The following TMEFF1 variants were observed in gnomAD, a reference collection of about 807,000 sequenced individuals.
TMEFF1 encodes transmembrane protein with EGF like and two follistatin like domains 1, also known as tomoregulin-1.
TMEFF1 carries 20 observed loss-of-function variants against 47.5 expected under a neutral mutation model. The observed-to-expected ratio is 0.42, with a 90% CI of 0.30 to 0.61. TMEFF1 has a LOEUF of 0.61. Ranked by LOEUF, TMEFF1 falls within the 20% of genes least tolerant of loss-of-function variation. The pLI is 0.19. For missense variants in TMEFF1, 411 were observed against 471.1 expected (o/e 0.87, Z 1.18); for synonymous variants, 162 against 166.3 (o/e 0.97, Z 0.20).
Position 100,498,784 on chromosome 9 carries a change from T to A in TMEFF1, c.216T>A (p.Ser72=). 1 of 1,613,022 alleles carries A rather than the reference T, an allele frequency of 6.2e-7. No homozygotes were observed. The highest frequency in any genetic ancestry group is 8.5e-7 in the Non-Finnish European group (1 of 1,179,730). ...INCSELNVRE[S]DVRVCDESSC... ...TTGCAGAATTAAATGTGAGGGAGTC[T>A]GACGTAAGAGTTTGTGATGAGTCAT... Residue 72 remains serine, a synonymous_variant, in exon 2 of 10, where the codon TCT becomes TCA. Transcript: ENST00000374879.
chr9:100,546,577 T>A (rs1471847518), intron 5 of TMEFF1, among the ~76,000 whole-genome samples: 2 of 152,194 alleles, frequency 1.3e-5, no homozygotes, highest in African/African-American at 4.8e-5. Flanking sequence ...GGCAAATGCC[T>A]TCAAAGTGAA....
intron 5 of TMEFF1, among the ~76,000 whole-genome samples, chr9:100,531,205 C>T (rs1465074663): frequency 2.0e-5 from 3 of 152,270 alleles, no homozygotes; most frequent in East Asian, 3.9e-4. Flanking sequence ...CTCACCACTC[C>T]TATTCAACAT....
intron 1 of TMEFF1, among the ~76,000 whole-genome samples, chr9:100,492,574 G>C (rs1837574205): frequency 6.6e-6 from 1 of 152,178 alleles, no homozygotes; most frequent in Non-Finnish European, 1.5e-5. Flanking sequence ...GGTTAATCTG[G>C]AGAGTTGATT....
At chr9:100,481,539 C>T (rs186707602) in intron 1 of TMEFF1, among the ~76,000 whole-genome samples, 13 of 152,262 alleles carry the variant, frequency 8.5e-5, no homozygotes, top group African/African-American at 3.1e-4. Context: ...GATTATGCCA[C>T]CACATTAAGG....
chr9:100,518,450 T>C, intron 5 of TMEFF1: 2 of 985,422 alleles, frequency 2.0e-6, no homozygotes, highest in Non-Finnish European at 2.4e-6. Context: ...GAAGTGGACA[T>C]AGACCATGGA....
At chr9:100,501,769 C>T (rs578023903) in intron 2 of TMEFF1, among the ~76,000 whole-genome samples, 51 of 152,146 alleles carry the variant, frequency 3.4e-4, no homozygotes, top group African/African-American at 1.2e-3. Context: ...CTCAGCCTCC[C>T]TAGTAACTGG....
At chr9:100,492,872 T>C (rs541887154) in intron 1 of TMEFF1, among the ~76,000 whole-genome samples, 3 of 151,928 alleles carry the variant, frequency 2.0e-5, no homozygotes, top group Non-Finnish European at 2.9e-5. Flanking sequence ...CTATTAAAGG[T>C]GGGGGATTTA....
chr9:100,502,387 T>A (rs959098021), intron 2 of TMEFF1, among the ~76,000 whole-genome samples: 3 of 152,088 alleles, frequency 2.0e-5, no homozygotes, highest in African/African-American at 2.4e-5. Flanking sequence ...TGAGACGGGG[T>A]CTCACTCTGT....
At position 100,473,455 on chromosome 9, in the gene TMEFF1, G is replaced by A. The variant is rs1451579713; in HGVS notation, c.-90G>A. ...GGCTCAGCGGCGCGGCTGCTAGGAG[G>A]CACCGAGGCAGCGGCGGGGCTCTGG... On this transcript the variant is annotated 5_prime_UTR_variant, in exon 1 of 10. Transcript: ENST00000374879. This position sits in a 1 kb window ranked among gnomAD's most constrained non-coding sequence, Gnocchi z 5.4. 9.5e-6 allele frequency: 10 copies of A among 1,047,190 alleles called. No homozygotes were observed. In the East Asian group the frequency reaches 3.1e-4, roughly 32 times the overall value. 64.9% of individuals were successfully genotyped at this position (1,047,190 alleles called of 1,614,324 possible). A position where few individuals can be genotyped will look rare whatever the true frequency, so the allele number is the denominator to read the frequency against.
chr9:100,496,069 T>C, intron 1 of TMEFF1, among the ~76,000 whole-genome samples: 1 of 152,244 alleles, frequency 6.6e-6, no homozygotes, highest in East Asian at 1.9e-4. Flanking sequence ...ATGTCTTGTG[T>C]GAGCATCAAA....
chr9:100,488,517 A>G (rs958795668), intron 1 of TMEFF1, among the ~76,000 whole-genome samples: 2 of 152,236 alleles, frequency 1.3e-5, no homozygotes, highest in Non-Finnish European at 2.9e-5. Context: ...ATGTACTTCC[A>G]CAGTTGGTTT....
intron 6 of TMEFF1, among the ~76,000 whole-genome samples, 171 bp from the exon 7 acceptor site, chr9:100,549,924 A>G (rs1838801151): frequency 6.6e-6 from 1 of 152,196 alleles, no homozygotes; most frequent in Non-Finnish European, 1.5e-5. Context: ...TAGGATGCCT[A>G]GAGGCCTAAG....
chr9:100,569,525 G>T (rs935390333), intron 8 of TMEFF1, among the ~76,000 whole-genome samples: 6 of 151,702 alleles, frequency 4.0e-5, no homozygotes, highest in Non-Finnish European at 8.8e-5. Context: ...AAGTACAAAA[G>T]ATTTTAATTT....
intron 5 of TMEFF1, among the ~76,000 whole-genome samples, chr9:100,528,636 G>C (rs1259269214): frequency 6.6e-5 from 8 of 122,010 alleles, no homozygotes; most frequent in African/African-American, 2.4e-4. Flanking sequence ...GAAAGTGATG[G>C]GGAGAATGGA....
intron 5 of TMEFF1, among the ~76,000 whole-genome samples, chr9:100,535,323 G>A (rs1452103315): frequency 6.6e-6 from 1 of 152,086 alleles, no homozygotes; most frequent in African/African-American, 2.4e-5. Flanking sequence ...TGAACGCTTT[G>A]TTTTATCCCT....
chr9:100,488,092 G>A (rs983128935), intron 1 of TMEFF1, among the ~76,000 whole-genome samples: 4 of 152,154 alleles, frequency 2.6e-5, no homozygotes, highest in African/African-American at 9.6e-5. Context: ...TTGTTCTTGT[G>A]TTTAGATTAA....
chr9:100,506,540 C>T (rs964861270), intron 2 of TMEFF1, among the ~76,000 whole-genome samples: 1 of 151,840 alleles, frequency 6.6e-6, no homozygotes, highest in Admixed American at 6.6e-5. Context: ...CCGAGGCGGG[C>T]GGATCACAGG....
chr9:100,572,633 G>A lies in TMEFF1; in HGVS notation c.1015G>A (p.Val339Ile), dbSNP rs570775539. 2 of 1,613,326 alleles carry A rather than the reference G, an allele frequency of 1.2e-6. No individual in the cohort carries two copies. Among genetic ancestry groups the A allele is most frequent in the South Asian group, 1.1e-5 (1 of 90,990 alleles). ...HVLIAAIIGAVQIAIIVAIVM... is the reference protein window; with the variant it reads ...HVLIAAIIGAIQIAIIVAIVM... ...TCTTATTGCAGCAATTATTGGAGCT[G>A]TACAGATTGCCATCATAGTAGCAAT... The change falls in exon 9 of 10, where the codon GTA becomes ATA. Residue 339 changes from valine (V) to isoleucine (I), a missense_variant. Coordinates refer to ENST00000374879, the MANE Select transcript of TMEFF1 (RefSeq NM_003692.5).
At chr9:100,484,464 G>A (rs183609163) in intron 1 of TMEFF1, among the ~76,000 whole-genome samples, 135 of 151,938 alleles carry the variant, frequency 8.9e-4, no homozygotes, top group African/African-American at 3.2e-3. Flanking sequence ...GATTATAAGC[G>A]CCCGCCACCA....
Sources: allele counts gnomAD v4.1 joint callset (sites outside exome capture counted in the v4.1 genomes callset), GRCh38; gene constraint gnomAD v4.1.1; non-coding constraint Gnocchi (gnomAD v3.1); transcripts MANE v1.5; gene names NCBI Gene and HGNC (gene_info 2026-07-23, HGNC 2026-07-21).